The following CNBD2 variants were observed in gnomAD, a reference collection of about 807,000 sequenced individuals.
CNBD2 encodes the protein cyclic nucleotide binding domain containing 2, also known as cyclic nucleotide-binding domain-containing protein 2.
In CNBD2, 64 loss-of-function variants were observed where a neutral mutation model predicts 63.7. The observed-to-expected ratio is 1.00, with a 90% confidence interval of 0.82 to 1.24. The LOEUF is 1.24. Among genes scored for constraint, CNBD2 ranks in the 50% most tolerant of loss-of-function variants. The pLI is 0.00. For synonymous variants in CNBD2, 229 were observed against 255.4 expected (o/e 0.90, Z 0.99); for missense variants, 691 against 713.5 (o/e 0.97, Z 0.36).
At chr20:36,017,254 G>A (rs1290378354) in intron 10 of CNBD2, among the ~76,000 whole-genome samples, 1 of 152,094 alleles carries the variant, frequency 6.6e-6, no homozygotes, top group Admixed American at 6.5e-5. Context: ...GCCTCCCTGT[G>A]CCTGCAGAGG....
intron 10 of CNBD2, among the ~76,000 whole-genome samples, chr20:36,015,435 C>T (rs891180518): frequency 1.3e-5 from 2 of 151,966 alleles, no homozygotes; most frequent in African/African-American, 4.8e-5. Context: ...CCAAAAAAAA[C>T]CATTGCCCAG....
Position 35,984,652 on chromosome 20 carries a change from TGAG to T in CNBD2, c.595_597del (p.Arg199del). The T allele has an allele frequency of 6.2e-7, 1 of 1,614,160 alleles. No homozygotes were observed. The highest frequency in any genetic ancestry group is 8.5e-7 in the Non-Finnish European group (1 of 1,180,022). On this transcript the variant is annotated inframe_deletion, in exon 6 of 12. Coordinates refer to ENST00000373973, the MANE Select transcript of CNBD2 (RefSeq NM_001365709.1). ...GAAATGGACGTTCTGCATGCTTCAG[TGAG>T]GAGGTCCACCATCGTCTGTATGGAA...
chr20:36,027,010 A>T (rs2057290192), intron 11 of CNBD2, among the ~76,000 whole-genome samples: 1 of 152,242 alleles, frequency 6.6e-6, no homozygotes, highest in Admixed American at 6.5e-5. Flanking sequence ...GGCCATACTC[A>T]TTGCAGAAGA....
chr20:35,968,882 C>T (rs1462473192), intron 1 of CNBD2, 69 bp downstream of exon 1: 15 of 1,249,398 alleles, frequency 1.2e-5, no homozygotes, highest in East Asian at 4.8e-5. Context: ...TGAGGAAGGT[C>T]GATGCAGGTG....
chr20:36,030,454 CTGT>C lies in CNBD2; in HGVS notation c.1539_1541del (p.Phe514del), dbSNP rs1192336415. On this transcript the variant is annotated inframe_deletion, in exon 12 of 12. Coordinates refer to ENST00000373973, the MANE Select transcript of CNBD2 (RefSeq NM_001365709.1). ...GCTCGTGGAGCCTTGCCAAAGTCAA[CTGT>C]TCACTCCAAACCGGCCCAAGAAGAG... The C allele has an allele frequency of 2.5e-6, 4 of 1,614,180 alleles. No homozygotes were observed. Among genetic ancestry groups the C allele is most frequent in the Middle Eastern group, 3.3e-4 (2 of 6,062 alleles).
chr20:36,021,325 T>C (rs1186312864), intron 10 of CNBD2, among the ~76,000 whole-genome samples: 2 of 152,224 alleles, frequency 1.3e-5, no homozygotes, highest in Admixed American at 1.3e-4. Context: ...AAATATTGTA[T>C]GTTCTCACTC....
chr20:35,998,965 GTC>G (rs1356234230), intron 8 of CNBD2, among the ~76,000 whole-genome samples: 11 of 146,152 alleles, frequency 7.5e-5, no homozygotes, highest in Middle Eastern at 7.1e-3. Context: ...TTGTATTTCT[GTC>G]TGTTTTGCCT....
chr20:35,987,576 G>A (rs368076650), intron 7 of CNBD2, 43 bp downstream of exon 7: 85 of 1,608,980 alleles, frequency 5.3e-5, no homozygotes, highest in Non-Finnish European at 6.8e-5. Context: ...CCTCTGAGGA[G>A]CATGCCTAAG....
intron 2 of CNBD2, chr20:35,972,970 C>G (rs1367418823): frequency 1.7e-6 from 1 of 589,896 alleles, no homozygotes; most frequent in East Asian, 2.8e-5. Flanking sequence ...TAATACTGAA[C>G]CCCAGATTTA....
At chr20:36,020,144 A>G (rs928204153) in intron 10 of CNBD2, among the ~76,000 whole-genome samples, 15 of 151,784 alleles carry the variant, frequency 9.9e-5, no homozygotes, top group African/African-American at 3.4e-4. Flanking sequence ...GTGCAGTGGC[A>G]TGATCTTTGC....
intron 2 of CNBD2, 111 bp from the exon 3 acceptor site, chr20:35,975,838 C>T: frequency 2.0e-6 from 2 of 981,768 alleles, no homozygotes; most frequent in Admixed American, 2.0e-5. Context: ...TGAGGTTTCC[C>T]ATGGCTTCCT....
Position 36,011,903 on chromosome 20 carries a change from G to A in CNBD2, c.1269+646G>A, listed in dbSNP as rs373216821. Among the ~76,000 whole-genome samples, 7 of 152,124 alleles carry A rather than the reference G, an allele frequency of 4.6e-5. No homozygotes were observed. The East Asian group carries it at 9.7e-4, about 21-fold the overall frequency. On this transcript the variant is annotated intron_variant, in intron 10 of 11. Transcript: ENST00000373973. ...AACACAATACCAGCTGGGCACAGTA[G>A]CCCCAGCACTTTGGGAGGCTGAAGC...
At chr20:35,957,922 G>A (rs1385645792), downstream of CNBD2, 1 of 152,160 alleles carries the variant, frequency 6.6e-6, no homozygotes, top group Non-Finnish European at 1.5e-5. Context: ...CACAAGGCCT[G>A]ACTCCTAGGT....
chr20:36,002,280 G>A (rs1308794684), intron 8 of CNBD2, among the ~76,000 whole-genome samples: 1 of 152,200 alleles, frequency 6.6e-6, no homozygotes, highest in African/African-American at 2.4e-5. Flanking sequence ...GCCTGCAATC[G>A]CAGGCACTTG....
At position 35,972,629 on chromosome 20, in the gene CNBD2, GGA is replaced by G; in HGVS notation, c.53_54del (p.Gly18AlafsTer16). 1 of 1,613,914 alleles carries G rather than the reference GGA, an allele frequency of 6.2e-7. No individual in the cohort carries two copies. The highest frequency in any genetic ancestry group is 8.5e-7 in the Non-Finnish European group (1 of 1,179,918). On this transcript the variant is annotated frameshift_variant and splice_region_variant, in exon 2 of 12. Transcript: ENST00000373973. LOFTEE classifies it high-confidence loss of function. ...YAWQLLKKELGLYQLAMDIII... is the reference protein window; with the variant it reads ...YAWQLLKKELXLYQLAMDIII... ...GATCTTGTTTGCTTTGTTTCCATAG[GGA>G]CTGTACCAGCTCGCCATGGATATCA...
At chr20:35,966,789 C>G (rs2056348521), upstream of CNBD2, among the ~76,000 whole-genome samples, 1 of 152,126 alleles carries the variant, frequency 6.6e-6, no homozygotes, top group Non-Finnish European at 1.5e-5. Flanking sequence ...TAGAAGCCTC[C>G]CGCTGTAACA....
chr20:35,983,135 C>T (rs990686237), intron 4 of CNBD2, among the ~76,000 whole-genome samples: 1 of 146,632 alleles, frequency 6.8e-6, no homozygotes, highest in Non-Finnish European at 1.5e-5. Flanking sequence ...GATCCTTGAG[C>T]CCAGGAGTTC....
chr20:35,990,356 C>T (rs756581240), intron 7 of CNBD2, among the ~76,000 whole-genome samples: 5 of 152,302 alleles, frequency 3.3e-5, no homozygotes, highest in East Asian at 1.9e-4. Context: ...TTGCTCCGGG[C>T]GCCGTGGCTC....
At chr20:35,956,845 G>C (rs1600997474), downstream of CNBD2, among the ~76,000 whole-genome samples, 1 of 152,174 alleles carries the variant, frequency 6.6e-6, no homozygotes. Context: ...GGACATTCCA[G>C]GTAGAAGGTA....
Sources: allele counts gnomAD v4.1 joint callset (sites outside exome capture counted in the v4.1 genomes callset), GRCh38; gene constraint gnomAD v4.1.1; transcripts MANE v1.5; gene names NCBI Gene and HGNC (gene_info 2026-07-23, HGNC 2026-07-21).